Variants in MET observed in about 807,000 individuals in gnomAD.
The protein encoded by MET is MET proto-oncogene, receptor tyrosine kinase.
Under a neutral mutation model 133.1 loss-of-function variants are expected in MET, and 48 were observed. The ratio of observed to expected loss-of-function variants is 0.36; its 90% CI spans 0.29 to 0.46. The LOEUF is 0.46. MET is among the 20% of genes least tolerant of loss of function. The probability of loss-of-function intolerance (pLI) is 1.00; values close to 1 mark genes in which losing one functional copy is unlikely to be tolerated. For synonymous variants in MET, 628 were observed against 616.5 expected, an observed-to-expected ratio of 1.02 and a Z score of -0.28; for missense variants, 1,442 against 1,695.9, an observed-to-expected ratio of 0.85 and a Z score of 2.63.
intron 14 of MET, 72 bp from the exon 15 acceptor site, chr7:116,774,809 G>T (rs2117028698): frequency 8.7e-7 from 1 of 1,145,254 alleles, no homozygotes; most frequent in South Asian, 1.2e-5. Flanking sequence ...CATTATAAAA[G>T]CTCTTCCTGT....
chr7:116,708,359 G>T (rs1313706663), intron 2 of MET, among the ~76,000 whole-genome samples: 1 of 152,024 alleles, frequency 6.6e-6, no homozygotes, highest in African/African-American at 2.4e-5. Context: ...TAAACTAATA[G>T]TCATTACTTA....
At chr7:116,755,299 A>G (rs775729503) in intron 5 of MET, 56 bp from the exon 6 acceptor site, 53 of 1,574,238 alleles carry the variant, frequency 3.4e-5, no homozygotes, top group Non-Finnish European at 4.6e-5. Context: ...TTTTCCATAT[A>G]TGTGAAAAAT....
In MET at chr7:116,776,206, A is replaced by G. The variant is rs189548541; in HGVS notation, c.3259+1095A>G. Among the ~76,000 whole-genome samples, 14 of 152,312 alleles carry G rather than the reference A, an allele frequency of 9.2e-5. No homozygotes were observed. The East Asian group carries it at 2.5e-3, about 27-fold the overall frequency. The stretch of plus-strand genomic sequence containing the variant: ...AAGCTGATGGCGTGATTTCCCTTAT[A>G]TGAACACAAGGCCTTCTCACTTTCC... On this transcript the variant is annotated intron_variant, in intron 15 of 20. Transcript: ENST00000397752.
At position 116,771,606 on chromosome 7, in the gene MET, T is replaced by C; in HGVS notation, c.2839T>C (p.Leu947=). 6.2e-7 allele frequency: 1 copy of C among 1,613,950 alleles called. No homozygotes were observed. The highest frequency in any genetic ancestry group is 8.5e-7 in the Non-Finnish European group (1 of 1,179,836). Reference sequence around the variant, plus strand: ...TGTCTCAATATCAACAGCACTGTTATTACTACTTGGGTTTTTCCTGTGGCT... The same window carrying C: ...TGTCTCAATATCAACAGCACTGTTACTACTACTTGGGTTTTTCCTGTGGCT... ...GVVSISTALL[L]LLGFFLWLKK... Residue 947 remains leucine (L), a synonymous_variant, in exon 13 of 21, where the codon TTA becomes CTA. Transcript: ENST00000397752.
intron 13 of MET, 27 bp downstream of exon 13, chr7:116,771,681 A>G: frequency 2.5e-6 from 4 of 1,613,058 alleles, no homozygotes; most frequent in Non-Finnish European, 3.4e-6. Context: ...GTTCATTTTT[A>G]GAAGTTACCT....
chr7:116,749,860 T>C (rs1347217377), intron 5 of MET, among the ~76,000 whole-genome samples: 1 of 152,110 alleles, frequency 6.6e-6, no homozygotes, highest in African/African-American at 2.4e-5. Context: ...TCATTCACAA[T>C]TGCTACAAAG....
At chr7:116,681,083 A>C (rs1360463500) in intron 1 of MET, among the ~76,000 whole-genome samples, 1 of 152,100 alleles carries the variant, frequency 6.6e-6, no homozygotes, top group Admixed American at 6.5e-5. Context: ...CTTGTGTTAC[A>C]TGTGGTTTGA....
chr7:116,734,825 G>A (rs944797974), intron 3 of MET, among the ~76,000 whole-genome samples: 8 of 152,182 alleles, frequency 5.3e-5, no homozygotes, highest in East Asian at 1.9e-4. Context: ...ACACAGCTAC[G>A]TGGGAGAGGG....
At position 116,787,247 on chromosome 7, in the gene MET, T is replaced by C. The variant is rs117805272; in HGVS notation, c.3798+3778T>C. Among the ~76,000 whole-genome samples the C allele has an allele frequency of 7.8e-4, 119 of 152,230 alleles. 3 individuals are homozygous for C. The East Asian group carries it at 0.017, about 22-fold the overall frequency. On this transcript the variant is annotated intron_variant, in intron 19 of 20. Coordinates refer to ENST00000397752, the MANE Select transcript of MET (RefSeq NM_000245.4). ...GACAGTGGCAGGTGAAGGCAAAAGA[T>C]AGGGAGAATTAACCCATCCTCCAAG...
chr7:116,724,475 G>A lies in MET; in HGVS notation c.1201-7193G>A, dbSNP rs540452918. Among the ~76,000 whole-genome samples, 428 of 152,224 alleles carry A rather than the reference G, an allele frequency of 2.8e-3. 3 individuals are homozygous for A. The highest frequency in any genetic ancestry group is 0.01 in the African/African-American group (417 of 41,524). On this transcript the variant is annotated intron_variant, in intron 2 of 20. Coordinates refer to ENST00000397752, the MANE Select transcript of MET (RefSeq NM_000245.4). ...CTGTAGACCGGAGCTGTTCCTATTC[G>A]GCCATCTTGGCTCCGTGGATAAGCC...
At chr7:116,695,809 C>G (rs778573027) in intron 1 of MET, 7 of 487,576 alleles carry the variant, frequency 1.4e-5, no homozygotes, top group Admixed American at 4.7e-5. Flanking sequence ...GGTAAGCACT[C>G]AATACATGTT....
chr7:116,720,994 G>A (rs966140372), intron 2 of MET, among the ~76,000 whole-genome samples: 8 of 151,522 alleles, frequency 5.3e-5, no homozygotes, highest in African/African-American at 1.9e-4. Context: ...AATGATGCTG[G>A]CCTCATAAAA....
intron 3 of MET, among the ~76,000 whole-genome samples, chr7:116,734,035 G>C (rs1793120227): frequency 6.6e-6 from 1 of 152,124 alleles, no homozygotes; most frequent in African/African-American, 2.4e-5. Flanking sequence ...AAATAATAGT[G>C]CGGGAGGAGT....
At chr7:116,778,184 T>C (rs1385167713) in intron 16 of MET, among the ~76,000 whole-genome samples, 1 of 152,194 alleles carries the variant, frequency 6.6e-6, no homozygotes, top group Non-Finnish European at 1.5e-5. Context: ...ACACAAACAG[T>C]GTACTCCACA....
intron 11 of MET, among the ~76,000 whole-genome samples, chr7:116,768,597 G>A (rs1305448757): frequency 6.6e-6 from 1 of 152,128 alleles, no homozygotes; most frequent in Non-Finnish European, 1.5e-5. Flanking sequence ...AATAATAACT[G>A]CCTGACCAAT....
At chr7:116,691,868 G>A (rs912307205) in intron 1 of MET, among the ~76,000 whole-genome samples, 10 of 152,178 alleles carry the variant, frequency 6.6e-5, no homozygotes, top group African/African-American at 2.4e-4. Context: ...AACAGAGTTC[G>A]TTGAAAGGCC....
intron 19 of MET, among the ~76,000 whole-genome samples, chr7:116,790,912 A>G (rs1795470751): frequency 6.6e-6 from 1 of 152,100 alleles, no homozygotes; most frequent in South Asian, 2.1e-4. Flanking sequence ...CCCCATCTCC[A>G]CTAAAAATAC....
At chr7:116,689,025 C>T (rs1005660390) in intron 1 of MET, among the ~76,000 whole-genome samples, 1 of 152,126 alleles carries the variant, frequency 6.6e-6, no homozygotes. Context: ...CCTATAGCCA[C>T]CTGTATTTGA....
intron 2 of MET, among the ~76,000 whole-genome samples, chr7:116,705,653 G>A (rs1791760447): frequency 1.3e-5 from 2 of 152,074 alleles, no homozygotes; most frequent in Admixed American, 1.3e-4. Context: ...GCAAAATCTT[G>A]CAAGAAAGAA....
Sources: allele counts gnomAD v4.1 joint callset (sites outside exome capture counted in the v4.1 genomes callset), GRCh38; gene constraint gnomAD v4.1.1; transcripts MANE v1.5; gene names NCBI Gene and HGNC (gene_info 2026-07-23, HGNC 2026-07-21).